NPY2R: variants seen among roughly 807,000 people sequenced by gnomAD.
NPY2R encodes the protein neuropeptide Y receptor type 2.
In NPY2R, 17 loss-of-function variants were observed where a neutral mutation model predicts 22.3. The observed-to-expected ratio is 0.76, with a 90% CI of 0.52 to 1.14. NPY2R has a LOEUF of 1.14. Among genes scored for constraint, NPY2R ranks in the 50% most tolerant of loss-of-function variants. The pLI is 0.00. For missense variants in NPY2R, 424 were observed against 467.9 expected (o/e 0.91, Z 0.87); for synonymous variants, 209 against 183.4 (o/e 1.14, Z -1.13).
chr4:155,197,372 G>A, the NPY2R span, among the ~76,000 whole-genome samples: 1 of 151,722 alleles, frequency 6.6e-6, no homozygotes, highest in African/African-American at 2.4e-5. Flanking sequence ...TATAATTTAT[G>A]CTATTGTGTG....
upstream of NPY2R, among the ~76,000 whole-genome samples, chr4:155,206,116 A>G (rs1258695025): frequency 6.6e-6 from 1 of 152,142 alleles, no homozygotes; most frequent in Non-Finnish European, 1.5e-5. Flanking sequence ...CCTACAACCT[A>G]GCATGCTGGT....
chr4:155,194,355 A>G, the NPY2R span, among the ~76,000 whole-genome samples: 21 of 150,304 alleles, frequency 1.4e-4, no homozygotes, highest in Admixed American at 2.6e-4. Context: ...CCAGGCAGTG[A>G]GCATAGTCCC....
At chr4:155,185,044 A>ATATTTT in the NPY2R span, among the ~76,000 whole-genome samples, 323 of 140,624 alleles carry the variant, frequency 2.3e-3, 9 homozygotes, top group East Asian at 0.026. Context: ...ATATATATAT[A>ATATTTT]TTTTTTTTTT....
chr4:155,174,485 T>TATATATATA, the NPY2R span, among the ~76,000 whole-genome samples: 5 of 41,672 alleles, frequency 1.2e-4, no homozygotes, highest in African/African-American at 4.7e-4. Flanking sequence ...TATATATATA[T>TATATATATA]TTTTTTTTTT....
the NPY2R span, among the ~76,000 whole-genome samples, chr4:155,189,576 AT>A: frequency 6.6e-6 from 1 of 152,146 alleles, no homozygotes; most frequent in East Asian, 1.9e-4. Flanking sequence ...AAAGTTATGA[AT>A]CTTTTAAAGT....
At chr4:155,206,330 C>T (rs1729283996), upstream of NPY2R, among the ~76,000 whole-genome samples, 2 of 152,232 alleles carry the variant, frequency 1.3e-5, no homozygotes, top group Admixed American at 1.3e-4. Context: ...TCCACAAACT[C>T]CCAAACTCCT....
Position 155,215,746 on chromosome 4 carries a change from G to A in NPY2R, c.*661G>A, listed in dbSNP as rs1461658089. On this transcript the variant is annotated 3_prime_UTR_variant, in exon 2 of 2. Transcript: ENST00000329476. ...GTTCTTAAAACCAATTGCACGTTTG[G>A]TGAAAGTTTCTTCAACTCTGAATCA... 2 of 167,196 alleles carry A rather than the reference G, an allele frequency of 1.2e-5. No individual in the cohort carries two copies. The highest frequency in any genetic ancestry group is 2.9e-5 in the Non-Finnish European group (2 of 68,240). 10.4% of individuals were successfully genotyped at this position (167,196 alleles called of 1,614,324 possible).
the NPY2R span, among the ~76,000 whole-genome samples, chr4:155,177,078 T>C: frequency 6.6e-6 from 1 of 152,190 alleles, no homozygotes; most frequent in South Asian, 2.1e-4. Context: ...ATTCTGACAC[T>C]GGCCCCCCAA....
chr4:155,200,527 C>T, the NPY2R span, among the ~76,000 whole-genome samples: 1 of 152,098 alleles, frequency 6.6e-6, no homozygotes, highest in Admixed American at 6.6e-5. Context: ...GAATATAGAT[C>T]ATTCTACTTT....
the NPY2R span, among the ~76,000 whole-genome samples, chr4:155,202,230 G>T: frequency 1.3e-5 from 2 of 152,074 alleles, no homozygotes; most frequent in Admixed American, 6.6e-5. Context: ...AAGGGTTGGG[G>T]TACCTCCTCC....
At chr4:155,211,026 G>A (rs536529795) in intron 1 of NPY2R, among the ~76,000 whole-genome samples, 11 of 152,262 alleles carry the variant, frequency 7.2e-5, no homozygotes, top group Non-Finnish European at 1.6e-4. Flanking sequence ...AAGAAAATAA[G>A]CATATGGATG....
chr4:155,177,367 GA>G, the NPY2R span, among the ~76,000 whole-genome samples: 3 of 152,288 alleles, frequency 2.0e-5, no homozygotes, highest in East Asian at 5.8e-4. Context: ...AAATAAGCCA[GA>G]AGAAAGGGCT....
upstream of NPY2R, among the ~76,000 whole-genome samples, chr4:155,204,812 A>G (rs1223833900): frequency 1.4e-5 from 2 of 140,136 alleles, no homozygotes; most frequent in East Asian, 2.1e-4. Context: ...TAGACTTTAT[A>G]CAGTCCACCA....
the NPY2R span, among the ~76,000 whole-genome samples, chr4:155,174,486 T>TATATATATATATATATATATATATATA: frequency 8.3e-4 from 57 of 68,596 alleles, no homozygotes; most frequent in African/African-American, 4.5e-3. Context: ...ATATATATAT[T>TATATATATATATATATATATATATATA]TTTTTTTTTA....
chr4:155,201,977 C>T, the NPY2R span, among the ~76,000 whole-genome samples: 20 of 152,064 alleles, frequency 1.3e-4, no homozygotes, highest in Non-Finnish European at 2.6e-4. Flanking sequence ...TGTGCCGGTT[C>T]CCTTTAATTT....
chr4:155,181,451 G>C, the NPY2R span, among the ~76,000 whole-genome samples: 6 of 152,010 alleles, frequency 3.9e-5, no homozygotes, highest in African/African-American at 1.5e-4. Flanking sequence ...AGGATCTTCT[G>C]TAAAAGAGCA....
chr4:155,202,819 C>T, the NPY2R span, among the ~76,000 whole-genome samples: 4 of 152,094 alleles, frequency 2.6e-5, no homozygotes, highest in African/African-American at 4.8e-5. Context: ...AATTATGTCT[C>T]TATATGCTAC....
chr4:155,214,202 T>C lies in NPY2R; in HGVS notation c.263T>C (p.Phe88Ser). Residue 88 changes from phenylalanine (F) to serine (S), a missense_variant, in exon 2 of 2, where the codon TTC (phenylalanine) becomes TCC (serine). By Grantham distance (155) the Phe-to-Ser change is radical. Coordinates refer to ENST00000329476, the MANE Select transcript of NPY2R (RefSeq NM_000910.4). ...AGCATGCGCACAGTAACCAACTTTT[T>C]CATTGCCAATCTGGCTGTGGCAGAT... The part of the protein sequence containing the change: ...FKSMRTVTNF[F>S]IANLAVADLL... The C allele has an allele frequency of 2.5e-6, 4 of 1,614,186 alleles. No homozygotes were observed. Among genetic ancestry groups the C allele is most frequent in the Non-Finnish European group, 2.5e-6 (3 of 1,180,016 alleles).
At position 155,208,988 on chromosome 4, in the gene NPY2R, C is replaced by T. The variant is rs1217999989; in HGVS notation, c.-130C>T. On this transcript the variant is annotated 5_prime_UTR_variant, in exon 1 of 2. Transcript: ENST00000329476. This position sits in a 1 kb window ranked among gnomAD's most constrained non-coding sequence, Gnocchi z 5.6. ...TTTGGGCACCTTCCAGGGCCCTCTC[C>T]AGGTCGGCTGGCTAATCATCGGACA... 1 of 152,298 alleles carries T rather than the reference C, an allele frequency of 6.6e-6. No individual in the cohort carries two copies. Among genetic ancestry groups the T allele is most frequent in the Non-Finnish European group, 1.5e-5 (1 of 68,132 alleles). 9.4% of individuals were successfully genotyped at this position (152,298 alleles called of 1,614,324 possible). A position where few individuals can be genotyped will look rare whatever the true frequency, so the allele number is the denominator to read the frequency against.
Sources: allele counts gnomAD v4.1 joint callset (sites outside exome capture counted in the v4.1 genomes callset), GRCh38; gene constraint gnomAD v4.1.1; non-coding constraint Gnocchi (gnomAD v3.1); transcripts MANE v1.5; gene names NCBI Gene and HGNC (gene_info 2026-07-23, HGNC 2026-07-21).